CACNA1C: variants seen among roughly 807,000 people sequenced by gnomAD.
CACNA1C encodes calcium voltage-gated channel subunit alpha1 C.
CACNA1C carries 30 observed loss-of-function variants against 229.0 expected under a neutral mutation model. The ratio of observed to expected loss-of-function variants is 0.13; its 90% CI spans 0.10 to 0.18. The LOEUF (loss-of-function observed/expected upper bound fraction) is 0.18. CACNA1C is among the 10% of genes least tolerant of loss of function. The probability of loss-of-function intolerance (pLI) is 1.00; values close to 1 mark genes in which losing one functional copy is unlikely to be tolerated. For missense variants in CACNA1C, 1,658 were observed against 2,845.0 expected, an observed-to-expected ratio of 0.58 and a Z score of 9.49; for synonymous variants, 1,114 against 1,132.5, an observed-to-expected ratio of 0.98 and a Z score of 0.33.
rs1345811146 is a variant in CACNA1C at position 2,646,069 on chromosome 12, CAT to C, written c.3913-2405_3913-2404del. ...TGCCATAGGAAATGTTAAATCAATA[CAT>C]GTTACTAAAATACAAAATACTATCA... On this transcript the variant is annotated intron_variant, in intron 30 of 46. Coordinates refer to ENST00000399655, the MANE Select transcript of CACNA1C (RefSeq NM_000719.7). This position sits in a 1 kb window ranked among gnomAD's most constrained non-coding sequence, Gnocchi z 4.6. Among the ~76,000 whole-genome samples the C allele has an allele frequency of 1.3e-5, 2 of 152,184 alleles. No homozygotes were observed. Among genetic ancestry groups the C allele is most frequent in the Admixed American group, 6.5e-5 (1 of 15,284 alleles).
chr12:2,688,356 C>A, intron 45 of CACNA1C, 91 bp from the exon 46 acceptor site: 1 of 1,191,962 alleles, frequency 8.4e-7, no homozygotes, highest in Admixed American at 1.7e-5. Context: ...CTGGACACAG[C>A]AGCTGCAAAG....
intron 3 of CACNA1C, among the ~76,000 whole-genome samples, chr12:2,258,914 T>C (rs1050758229): frequency 2.0e-5 from 3 of 152,204 alleles, no homozygotes; most frequent in Non-Finnish European, 4.4e-5. Context: ...AGAGATGGAT[T>C]AATAAAGTAA....
At chr12:2,615,915 C>T (rs543961909) in intron 29 of CACNA1C, among the ~76,000 whole-genome samples, 1 of 152,300 alleles carries the variant, frequency 6.6e-6, no homozygotes, top group African/African-American at 2.4e-5. Flanking sequence ...GGCAGGGGTT[C>T]ACCCCGTGGA....
At chr12:1,978,929 G>A (rs932778033) in intron 1 of CACNA1C, among the ~76,000 whole-genome samples, 23 of 152,180 alleles carry the variant, frequency 1.5e-4, no homozygotes, top group African/African-American at 5.6e-4. Flanking sequence ...GTTCATCTAT[G>A]TAACTATTAA....
chr12:2,060,505 T>G (rs2238010), intron 1 of CACNA1C, among the ~76,000 whole-genome samples: 9,895 of 152,300 alleles, frequency 0.065, 431 homozygotes, highest in African/African-American at 0.12. Flanking sequence ...CATTCCCATC[T>G]TCCTTGAAGT....
At chr12:2,482,195 G>T (rs1324643953) in intron 5 of CACNA1C, among the ~76,000 whole-genome samples, 1 of 152,240 alleles carries the variant, frequency 6.6e-6, no homozygotes, top group Non-Finnish European at 1.5e-5. Flanking sequence ...ATGGAAGCGA[G>T]AGCCTTTCCT....
chr12:2,447,996 G>A (rs886183234), intron 3 of CACNA1C, among the ~76,000 whole-genome samples: 2 of 152,360 alleles, frequency 1.3e-5, no homozygotes, highest in East Asian at 1.9e-4. Flanking sequence ...CTGCAGAGGC[G>A]AGCAGTGGAG....
chr12:2,430,221 C>A (rs1033793135), intron 3 of CACNA1C, among the ~76,000 whole-genome samples: 11 of 152,160 alleles, frequency 7.2e-5, no homozygotes, highest in Non-Finnish European at 1.5e-5. Context: ...CCTCCTAATA[C>A]CTTGGGGGTT....
chr12:2,304,740 G>A (rs1433512268), intron 3 of CACNA1C, among the ~76,000 whole-genome samples: 1 of 152,142 alleles, frequency 6.6e-6, no homozygotes, highest in Non-Finnish European at 1.5e-5. Context: ...ATCCCTTCCT[G>A]CTAGGACAGC....
rs565833504 is a variant in CACNA1C at position 2,294,768 on chromosome 12, G to A, written c.478-154208G>A. 3.9e-4 allele frequency among the ~76,000 whole-genome samples: 60 copies of A among 152,302 alleles called. No individual in the cohort carries two copies. In the South Asian group the frequency reaches 0.011, roughly 29 times the overall value. ...TCTGGCAGCCGCTGGGACTGCGGGC[G>A]CGTTGTTGGTCACACTGACCCAGAC... On this transcript the variant is annotated intron_variant, in intron 3 of 46. Coordinates refer to ENST00000399655, the MANE Select transcript of CACNA1C (RefSeq NM_000719.7).
intron 16 of CACNA1C, among the ~76,000 whole-genome samples, chr12:2,584,867 A>G (rs2061821416): frequency 6.6e-6 from 1 of 152,142 alleles, no homozygotes; most frequent in Admixed American, 6.5e-5. Context: ...TTATCTTTTG[A>G]GAAGCTGTGA....
intron 1 of CACNA1C, among the ~76,000 whole-genome samples, chr12:1,977,855 C>T (rs543673481): frequency 6.6e-6 from 1 of 152,272 alleles, no homozygotes; most frequent in South Asian, 2.1e-4. Flanking sequence ...TACAGGTACA[C>T]TTTAACTTTG....
intron 1 of CACNA1C, among the ~76,000 whole-genome samples, chr12:1,975,891 G>A (rs1220542568): frequency 6.6e-6 from 1 of 152,168 alleles, no homozygotes; most frequent in Non-Finnish European, 1.5e-5. Flanking sequence ...TGATGGAGAA[G>A]TAGAAACTGT....
chr12:2,492,714 G>A (rs1207649432), intron 6 of CACNA1C, among the ~76,000 whole-genome samples: 1 of 152,254 alleles, frequency 6.6e-6, no homozygotes, highest in African/African-American at 2.4e-5. Flanking sequence ...ATGTGAAGGA[G>A]TCTTTGCATT....
intron 13 of CACNA1C, among the ~76,000 whole-genome samples, chr12:2,578,090 G>C (rs184330227): frequency 0.025 from 3,840 of 151,960 alleles, 150 homozygotes; most frequent in African/African-American, 0.086. Context: ...GGATGGTCTC[G>C]ATCTCCTGAC....
intron 1 of CACNA1C, among the ~76,000 whole-genome samples, chr12:2,113,629 C>T (rs761073352): frequency 7.2e-5 from 11 of 152,166 alleles, no homozygotes; most frequent in Non-Finnish European, 1.3e-4. Flanking sequence ...GAAGTGTCCT[C>T]AGATGCCAAC....
At position 2,585,799 on chromosome 12, in the gene CACNA1C, A is replaced by G; in HGVS notation, c.2461-36A>G. 6.8e-7 allele frequency: 1 copy of G among 1,474,690 alleles called. No individual in the cohort carries two copies. Among genetic ancestry groups the G allele is most frequent in the Non-Finnish European group, 9.4e-7 (1 of 1,063,134 alleles). The allele number at this position is 1,474,690 out of a possible 1,614,324, so 91.4% of individuals were successfully genotyped here. The stretch of plus-strand genomic sequence containing the variant: ...AGCCTCTTAACTTGGGGACGTATCT[A>G]ACTATTCTTCCCCCTTCTCCCCTGT... On this transcript the variant is annotated intron_variant, in intron 17 of 46. Coordinates refer to ENST00000399655, the MANE Select transcript of CACNA1C (RefSeq NM_000719.7). This position sits in a 1 kb window ranked among gnomAD's most constrained non-coding sequence, Gnocchi z 4.1.
At chr12:2,273,325 TTTTC>T (rs1425648487) in intron 3 of CACNA1C, among the ~76,000 whole-genome samples, 116 of 152,350 alleles carry the variant, frequency 7.6e-4, no homozygotes, top group African/African-American at 2.8e-3. Flanking sequence ...TTATTAAAAA[TTTTC>T]TTTTCAAATA....
chr12:2,646,789 A>AGAGAGT lies in CACNA1C; in HGVS notation c.3913-1685_3913-1684insAGAGTG, dbSNP rs552049239. Among the ~76,000 whole-genome samples the AGAGAGT allele has an allele frequency of 3.0e-5, 4 of 131,960 alleles. No individual in the cohort carries two copies. Among genetic ancestry groups the AGAGAGT allele is most frequent in the African/African-American group, 1.2e-4 (4 of 32,002 alleles). The allele number at this position is 131,960 out of a possible 152,430, so 86.6% of individuals were successfully genotyped here. A position where few individuals can be genotyped will look rare whatever the true frequency, so the allele number is the denominator to read the frequency against. On this transcript the variant is annotated intron_variant, in intron 30 of 46. Coordinates refer to ENST00000399655, the MANE Select transcript of CACNA1C (RefSeq NM_000719.7). This position sits in a 1 kb window ranked among gnomAD's most constrained non-coding sequence, Gnocchi z 4.6. ...GAGAAAGAGAGAGAGAGAGAGAGAG[A>AGAGAGT]GTGTGTGTGTGCGCGTGTGTGTGTC... is the stretch of plus-strand genomic sequence containing the variant.
Sources: allele counts gnomAD v4.1 joint callset (sites outside exome capture counted in the v4.1 genomes callset), GRCh38; gene constraint gnomAD v4.1.1; non-coding constraint Gnocchi (gnomAD v3.1); transcripts MANE v1.5; gene names NCBI Gene and HGNC (gene_info 2026-07-23, HGNC 2026-07-21).